Variants in IMPG2 observed in about 807,000 individuals in gnomAD.
The protein encoded by IMPG2 is IPM 200.
IMPG2 carries 91 observed loss-of-function variants against 129.2 expected under a neutral mutation model. The ratio of observed to expected loss-of-function variants is 0.70; its 90% confidence interval spans 0.59 to 0.84. IMPG2 has a LOEUF of 0.84. Among genes scored for constraint, IMPG2 ranks in the 40% least tolerant of loss-of-function variants. IMPG2 has a pLI of 0.00. For missense variants in IMPG2, 1,430 were observed against 1,461.7 expected (o/e 0.98, Z 0.35); for synonymous variants, 510 against 517.7 (o/e 0.99, Z 0.20).
intron 10 of IMPG2, among the ~76,000 whole-genome samples, chr3:101,255,733 A>G (rs1011003909): frequency 1.3e-5 from 2 of 152,124 alleles, no homozygotes; most frequent in African/African-American, 2.4e-5. Flanking sequence ...GTTTCAGATT[A>G]TAACAAGCTT....
intron 10 of IMPG2, among the ~76,000 whole-genome samples, chr3:101,255,399 C>A (rs530440614): frequency 5.3e-5 from 8 of 152,182 alleles, no homozygotes; most frequent in African/African-American, 1.9e-4. Context: ...TTTTAGGATA[C>A]CTTTATGAAA....
At chr3:101,294,497 G>C (rs1399440885) in intron 3 of IMPG2, among the ~76,000 whole-genome samples, 2 of 152,170 alleles carry the variant, frequency 1.3e-5, no homozygotes, top group African/African-American at 4.8e-5. Context: ...TCTCATTGAT[G>C]GGCATTTGGA....
intron 3 of IMPG2, among the ~76,000 whole-genome samples, chr3:101,299,218 A>G (rs1409625061): frequency 1.3e-5 from 2 of 152,110 alleles, no homozygotes; most frequent in African/African-American, 4.8e-5. Context: ...TGAAGTTCTC[A>G]TGCTGTGTTT....
Position 101,232,764 on chromosome 3 carries a change from C to G in IMPG2, c.3233+17G>C, listed in dbSNP as rs1706303390. ...TATCTATAGCCTCTAAAGTCAAAAT[C>G]TGTAACTACAACATACCTACAAATG... On this transcript the variant is annotated intron_variant, in intron 15 of 18. Transcript: ENST00000193391. 6.2e-7 allele frequency: 1 copy of G among 1,610,030 alleles called. No individual in the cohort carries two copies. The highest frequency in any genetic ancestry group is 1.3e-5 in the African/African-American group (1 of 74,748).
At chr3:101,251,957 T>C (rs187304292) in intron 11 of IMPG2, among the ~76,000 whole-genome samples, 333 of 152,308 alleles carry the variant, frequency 2.2e-3, no homozygotes, top group Non-Finnish European at 3.6e-3. Context: ...TCATTCCTTG[T>C]TTTCATGTCT....
intron 6 of IMPG2, among the ~76,000 whole-genome samples, chr3:101,274,550 G>A (rs1380113469): frequency 1.3e-5 from 2 of 152,084 alleles, no homozygotes; most frequent in Non-Finnish European, 2.9e-5. Context: ...AAACTACCTT[G>A]GGCTTCATTT....
At chr3:101,272,703 C>A (rs2107250030) in intron 7 of IMPG2, among the ~76,000 whole-genome samples, 1 of 152,288 alleles carries the variant, frequency 6.6e-6, no homozygotes, top group South Asian at 2.1e-4. Context: ...AATTGTCTGG[C>A]CTCCCCTTCC....
intron 2 of IMPG2, among the ~76,000 whole-genome samples, chr3:101,312,462 A>T (rs1310374073): frequency 6.6e-6 from 1 of 152,124 alleles, no homozygotes; most frequent in African/African-American, 2.4e-5. Flanking sequence ...TCAAAATCAC[A>T]ATGAGACATC....
In IMPG2 at chr3:101,229,389, A is replaced by G; in HGVS notation, c.3624T>C (p.Leu1208=). Reference sequence around the variant, plus strand: ...ATGCAAAGTTTCCCACCTCTCTGGAAAGCTCACTGCTCTCATACATCTGTC... The same window carrying G: ...ATGCAAAGTTTCCCACCTCTCTGGAGAGCTCACTGCTCTCATACATCTGTC... ...EIRQMYESSE[L]SREEIQERMR... is the part of the protein sequence containing the mutation. The change falls in exon 17 of 19, where the codon CTT becomes CTC. Residue 1208 remains leucine (L), a synonymous_variant. Coordinates refer to ENST00000193391, the MANE Select transcript of IMPG2 (RefSeq NM_016247.4). 1.2e-6 allele frequency: 2 copies of G among 1,609,226 alleles called. No homozygotes were observed. Among genetic ancestry groups the G allele is most frequent in the African/African-American group, 2.7e-5 (2 of 74,672 alleles).
chr3:101,233,108 A>G, intron 14 of IMPG2, 117 bp from the exon 15 acceptor site: 1 of 860,066 alleles, frequency 1.2e-6, no homozygotes, highest in South Asian at 1.4e-5. Flanking sequence ...TTCCAGAACC[A>G]TTAAAGTACA....
chr3:101,252,639 C>A (rs1428746577), intron 11 of IMPG2, among the ~76,000 whole-genome samples: 1 of 152,136 alleles, frequency 6.6e-6, no homozygotes, highest in Non-Finnish European at 1.5e-5. Flanking sequence ...TAAATACACA[C>A]CAAATGAATG....
intron 7 of IMPG2, among the ~76,000 whole-genome samples, chr3:101,269,889 C>A (rs7426922): frequency 6.9e-6 from 1 of 145,978 alleles, no homozygotes; most frequent in South Asian, 2.2e-4. Flanking sequence ...AAAATTGTTT[C>A]AAAAGAAGCT....
chr3:101,287,222 T>G (rs1037657387), intron 4 of IMPG2, among the ~76,000 whole-genome samples: 2 of 152,128 alleles, frequency 1.3e-5, no homozygotes, highest in African/African-American at 4.8e-5. Context: ...ATTTACAGTG[T>G]GGCAACCTTG....
At position 101,225,106 on chromosome 3, in the gene IMPG2, C is replaced by T. The variant is rs1706206687; in HGVS notation, c.*1863G>A. ...ACACGTAGTATAGGAAAACAGTTTA[C>T]AGTCTTAAACAGAAAACTTTGAAAG... On this transcript the variant is annotated 3_prime_UTR_variant, in exon 19 of 19. Transcript: ENST00000193391. 6.6e-6 allele frequency: 1 copy of T among 152,320 alleles called. No individual in the cohort carries two copies. Among genetic ancestry groups the T allele is most frequent in the South Asian group, 2.1e-4 (1 of 4,824 alleles). The allele number at this position is 152,320 out of a possible 1,614,324, so 9.4% of individuals were successfully genotyped here.
At position 101,261,937 on chromosome 3, in the gene IMPG2, C is replaced by T. The variant is rs1706675598; in HGVS notation, c.909-4164G>A. ...CCACCACTGGATCATCATCTTTCAT[C>T]TTTTGAACTGGACTCATGCAGCTGC... On this transcript the variant is annotated intron_variant, in intron 9 of 18. Coordinates refer to ENST00000193391, the MANE Select transcript of IMPG2 (RefSeq NM_016247.4). 2.0e-5 allele frequency among the ~76,000 whole-genome samples: 3 copies of T among 152,116 alleles called. No homozygotes were observed. The South Asian group carries it at 6.2e-4, about 31-fold the overall frequency.
intron 14 of IMPG2, among the ~76,000 whole-genome samples, chr3:101,235,257 T>C (rs2107210467): frequency 6.6e-6 from 1 of 152,298 alleles, no homozygotes; most frequent in Non-Finnish European, 1.5e-5. Context: ...CTGGGCCCTC[T>C]GAATAAACTG....
intron 3 of IMPG2, among the ~76,000 whole-genome samples, chr3:101,294,935 G>GT (rs1229010179): frequency 6.6e-6 from 1 of 151,600 alleles, no homozygotes; most frequent in African/African-American, 2.4e-5. Flanking sequence ...TTTTGATGGG[G>GT]TTTTTTTCTT....
intron 3 of IMPG2, among the ~76,000 whole-genome samples, chr3:101,299,414 C>T (rs1333649175): frequency 6.6e-6 from 1 of 152,236 alleles, no homozygotes; most frequent in Admixed American, 6.5e-5. Context: ...TCTTATCCTC[C>T]ATCCAGTTCT....
intron 4 of IMPG2, among the ~76,000 whole-genome samples, chr3:101,288,245 G>A (rs1315705654): frequency 6.6e-6 from 1 of 152,134 alleles, no homozygotes; most frequent in African/African-American, 2.4e-5. Context: ...TGTTGATGAG[G>A]TTGCAGAGAA....
Sources: gnomAD v4.1 joint callset for allele counts (sites outside exome capture counted in the v4.1 genomes callset) on GRCh38, gnomAD v4.1.1 for gene constraint, MANE v1.5 for transcripts, NCBI Gene and HGNC (gene_info 2026-07-23, HGNC 2026-07-21) for gene names.